Variants in FAF1 observed in about 807,000 individuals in gnomAD.
FAF1 encodes the protein Fas associated factor 1.
FAF1 carries 25 observed loss-of-function variants against 92.5 expected under a neutral mutation model. That is an observed-to-expected ratio of 0.27 (90% CI 0.20 to 0.38). The LOEUF (loss-of-function observed/expected upper bound fraction) is 0.38, where lower values mean the gene tolerates loss of function less well. Among genes scored for constraint, FAF1 ranks in the 10% least tolerant of loss-of-function variants. The pLI is 1.00. For missense variants in FAF1, 636 were observed against 793.3 expected (o/e 0.80, Z 2.38); for synonymous variants, 234 against 273.2 (o/e 0.86, Z 1.42).
chr1:50,700,158 T>G (rs1185987971), intron 7 of FAF1, among the ~76,000 whole-genome samples: 2 of 152,136 alleles, frequency 1.3e-5, no homozygotes, highest in Non-Finnish European at 2.9e-5. Flanking sequence ...CCCCTTTTTT[T>G]TTTTATTTCT....
intron 18 of FAF1, among the ~76,000 whole-genome samples, chr1:50,464,405 C>G (rs181133762): frequency 2.6e-5 from 4 of 152,194 alleles, no homozygotes; most frequent in Admixed American, 2.6e-4. Flanking sequence ...TTGCCCAAGG[C>G]CCCCCTAATA....
chr1:50,530,029 T>C (rs1648056084), intron 15 of FAF1, among the ~76,000 whole-genome samples: 1 of 152,154 alleles, frequency 6.6e-6, no homozygotes, highest in Non-Finnish European at 1.5e-5. Flanking sequence ...AACCTAATCA[T>C]CAACAGTTAA....
intron 15 of FAF1, 147 bp from the exon 16 acceptor site, chr1:50,491,948 C>T (rs1289341872): frequency 1.7e-6 from 1 of 600,310 alleles, no homozygotes; most frequent in Non-Finnish European, 2.9e-6. Flanking sequence ...CATAAATAAG[C>T]AAACAAACAA....
chr1:50,606,984 C>T (rs1652459790), intron 8 of FAF1: 1 of 151,940 alleles, frequency 6.6e-6, no homozygotes, highest in African/African-American at 2.4e-5. Flanking sequence ...CTATTGGAGG[C>T]AAAAATAACA....
chr1:50,791,451 C>G (rs1233779460), intron 3 of FAF1, among the ~76,000 whole-genome samples: 1 of 152,176 alleles, frequency 6.6e-6, no homozygotes, highest in East Asian at 1.9e-4. Flanking sequence ...CAAGAGGAGA[C>G]ACTATCTAGA....
At chr1:50,491,462 T>TCATAGCAA (rs1477038122) in intron 16 of FAF1, among the ~76,000 whole-genome samples, 1 of 152,202 alleles carries the variant, frequency 6.6e-6, no homozygotes, top group Non-Finnish European at 1.5e-5. Context: ...AAATTGCTGG[T>TCATAGCAA]TTCTATCATA....
chr1:50,475,043 A>T (rs1249708668), intron 18 of FAF1, among the ~76,000 whole-genome samples: 1 of 152,230 alleles, frequency 6.6e-6, no homozygotes, highest in Non-Finnish European at 1.5e-5. Flanking sequence ...CAAATCACAA[A>T]ACACTGTTTG....
intron 2 of FAF1, among the ~76,000 whole-genome samples, chr1:50,826,337 G>T (rs1211004811): frequency 6.6e-6 from 1 of 151,960 alleles, no homozygotes; most frequent in Admixed American, 6.6e-5. Flanking sequence ...GATCACTTGA[G>T]ATCTGGAGTT....
intron 1 of FAF1, among the ~76,000 whole-genome samples, chr1:50,897,583 A>C (rs1295053050): frequency 6.6e-6 from 1 of 152,202 alleles, no homozygotes; most frequent in Non-Finnish European, 1.5e-5. Context: ...AGCTATAATA[A>C]ATGAGAAAAA....
At chr1:50,694,920 C>T (rs1657122956) in intron 7 of FAF1, among the ~76,000 whole-genome samples, 1 of 151,748 alleles carries the variant, frequency 6.6e-6, no homozygotes, top group Non-Finnish European at 1.5e-5. Context: ...CGACACAGTG[C>T]CACTGGACTC....
chr1:50,664,218 G>A (rs1557463316), intron 7 of FAF1, among the ~76,000 whole-genome samples: 3 of 150,456 alleles, frequency 2.0e-5, no homozygotes, highest in South Asian at 2.1e-4. Context: ...GGATGGTCTC[G>A]ATCTCTTGAC....
chr1:50,949,575 T>G (rs72904788), intron 1 of FAF1, among the ~76,000 whole-genome samples: 10,083 of 152,254 alleles, frequency 0.066, 417 homozygotes, highest in East Asian at 0.095. Flanking sequence ...ATTTTAGGCT[T>G]TGCAGGACAT....
chr1:50,570,946 A>G (rs1650410264), intron 12 of FAF1, among the ~76,000 whole-genome samples: 1 of 152,202 alleles, frequency 6.6e-6, no homozygotes, highest in Non-Finnish European at 1.5e-5. Context: ...TTTCGTGAAG[A>G]AAGCAGTACC....
At chr1:50,767,126 A>G (rs1388254182) in intron 4 of FAF1, among the ~76,000 whole-genome samples, 1 of 152,238 alleles carries the variant, frequency 6.6e-6, no homozygotes. Context: ...AGAAAGAACC[A>G]AAGTGATCTG....
At chr1:50,465,225 C>G (rs1379318769) in intron 18 of FAF1, among the ~76,000 whole-genome samples, 1 of 152,156 alleles carries the variant, frequency 6.6e-6, no homozygotes. Context: ...ATAATATCTG[C>G]CTGGTATAAA....
At chr1:50,494,780 T>C (rs1646879771) in intron 15 of FAF1, among the ~76,000 whole-genome samples, 1 of 152,210 alleles carries the variant, frequency 6.6e-6, no homozygotes, top group Non-Finnish European at 1.5e-5. Flanking sequence ...ATCTTACATA[T>C]GACAAGCATC....
intron 18 of FAF1, among the ~76,000 whole-genome samples, chr1:50,445,412 T>C (rs979079444): frequency 5.3e-5 from 8 of 152,200 alleles, no homozygotes; most frequent in African/African-American, 1.7e-4. Flanking sequence ...AGGCTGTGAA[T>C]CAAGGCAGTC....
Position 50,589,929 on chromosome 1 carries a change from A to C in FAF1, c.841-5118T>G, listed in dbSNP as rs1409589271. On this transcript the variant is annotated intron_variant, in intron 9 of 18. Transcript: ENST00000396153. The stretch of plus-strand genomic sequence containing the variant: ...AGTTTTCCCAGTACCGTTTGTTGAA[A>C]AAACTTCCCTTTCTCCATTGAATGG... Among the ~76,000 whole-genome samples, 4 of 152,210 alleles carry C rather than the reference A, an allele frequency of 2.6e-5. No individual in the cohort carries two copies. The East Asian group carries it at 7.7e-4, about 29-fold the overall frequency.
At position 50,583,765 on chromosome 1, in the gene FAF1, G is replaced by T; in HGVS notation, c.968-50C>A. On this transcript the variant is annotated intron_variant, in intron 10 of 18. Transcript: ENST00000396153. This position sits in a 1 kb window ranked among gnomAD's most constrained non-coding sequence, Gnocchi z 4.2. ...CAAAAACAAAAAAACAAAACAAATA[G>T]ACACAAAAACAAACCACATAACATC... The T allele has an allele frequency of 1.6e-6, 2 of 1,256,158 alleles. No homozygotes were observed. Among genetic ancestry groups the T allele is most frequent in the South Asian group, 2.7e-5 (2 of 73,124 alleles). 77.8% of individuals were successfully genotyped at this position (1,256,158 alleles called of 1,614,324 possible). A position where few individuals can be genotyped will look rare whatever the true frequency, so the allele number is the denominator to read the frequency against.
Sources: gnomAD v4.1 joint callset for allele counts (sites outside exome capture counted in the v4.1 genomes callset) on GRCh38, gnomAD v4.1.1 for gene constraint, Gnocchi (gnomAD v3.1) non-coding constraint, MANE v1.5 for transcripts, NCBI Gene and HGNC (gene_info 2026-07-23, HGNC 2026-07-21) for gene names.